PFKFB1: variants seen among roughly 807,000 people sequenced by gnomAD.
The protein encoded by PFKFB1 is 6-phosphofructo-2-kinase/fructose-2,6-bisphosphatase 1.
A neutral mutation model predicts 46.4 loss-of-function variants in PFKFB1; 34 were observed. The ratio of observed to expected loss-of-function variants is 0.73; its 90% confidence interval spans 0.56 to 0.98. The LOEUF (loss-of-function observed/expected upper bound fraction) is 0.98. Ranked by LOEUF, PFKFB1 falls within the 50% of genes least tolerant of loss-of-function variation. The pLI is 0.00. For synonymous variants in PFKFB1, 119 were observed against 133.8 expected, an observed-to-expected ratio of 0.89 and a Z score of 0.76; for missense variants, 393 against 376.3, an observed-to-expected ratio of 1.04 and a Z score of -0.37.
intron 1 of PFKFB1, among the ~76,000 whole-genome samples, chrX:54,986,632 C>G (rs1011270486): frequency 1.4e-4 from 16 of 111,825 alleles, no homozygotes; most frequent in African/African-American, 4.9e-4. Context: ...GATAGAACAA[C>G]TACATAGAAG....
chrX:54,993,165 C>T (rs1365093012), intron 1 of PFKFB1, among the ~76,000 whole-genome samples: 1 of 112,024 alleles, frequency 8.9e-6, no homozygotes, highest in Non-Finnish European at 1.9e-5. Flanking sequence ...CCACTGTCGC[C>T]TGTTATCTAT....
intron 12 of PFKFB1, 26 bp downstream of exon 12, chrX:54,934,921 C>A: frequency 8.6e-7 from 1 of 1,157,655 alleles, no homozygotes; most frequent in South Asian, 1.8e-5. Context: ...ATATGCCTGT[C>A]CTTTGATCAG....
At position 54,963,318 on chromosome X, in the gene PFKFB1, G is replaced by T. The variant is rs1176754311; in HGVS notation, c.162C>A (p.Gly54=). The T allele has an allele frequency of 8.3e-7, 1 of 1,205,481 alleles. No homozygotes were observed. The highest frequency in any genetic ancestry group is 1.8e-5 in the African/African-American group (1 of 57,025). The part of the protein sequence containing the change: ...MVIMVGLPAR[G]KTYISTKLTR... The stretch of plus-strand genomic sequence containing the variant: ...TGAGCTTTGTGGAGATATAGGTCTT[G>T]CCTCGAGCTGGTAAACCCACCATGA... The change falls in exon 2 of 14, where the codon GGC becomes GGA. Residue 54 remains glycine, a synonymous_variant. Coordinates refer to ENST00000375006, the MANE Select transcript of PFKFB1 (RefSeq NM_002625.4).
At chrX:54,961,038 TAAAACTTC>T (rs1934298998) in intron 2 of PFKFB1, 121 bp from the exon 3 acceptor site, 1 of 387,060 alleles carries the variant, frequency 2.6e-6, no homozygotes, top group Non-Finnish European at 4.7e-6. Flanking sequence ...AATGTGCTTT[TAAAACTTC>T]AAATTATGGC....
intron 1 of PFKFB1, among the ~76,000 whole-genome samples, chrX:54,972,799 C>G (rs1207113822): frequency 4.5e-5 from 5 of 111,269 alleles, no homozygotes; most frequent in Non-Finnish European, 9.4e-5. Flanking sequence ...CTAAAATTCT[C>G]TTTTTTGGTT....
At chrX:54,993,240 C>T (rs1935290467) in intron 1 of PFKFB1, among the ~76,000 whole-genome samples, 1 of 112,525 alleles carries the variant, frequency 8.9e-6, no homozygotes, top group Admixed American at 9.4e-5. Flanking sequence ...CTTGATCTTT[C>T]TTAAATTTCC....
chrX:54,959,738 T>A (rs1391873109), intron 4 of PFKFB1, 89 bp downstream of exon 4: 3 of 559,795 alleles, frequency 5.4e-6, no homozygotes, highest in Non-Finnish European at 9.2e-6. Flanking sequence ...CAGAACATAA[T>A]GTTCTGTACA....
intron 12 of PFKFB1, among the ~76,000 whole-genome samples, chrX:54,934,719 T>C (rs1361671628): frequency 8.9e-6 from 1 of 111,918 alleles, no homozygotes; most frequent in Non-Finnish European, 1.9e-5. Context: ...TGCTGGGTGC[T>C]CTGGCAAAGA....
chrX:54,969,890 C>A (rs934610417), intron 1 of PFKFB1, among the ~76,000 whole-genome samples: 4 of 111,453 alleles, frequency 3.6e-5, no homozygotes, highest in Non-Finnish European at 5.7e-5. Context: ...GTAGAAAATC[C>A]CAGGAAATCT....
chrX:54,992,880 T>A (rs1488782280), intron 1 of PFKFB1, among the ~76,000 whole-genome samples: 1 of 111,533 alleles, frequency 9.0e-6, no homozygotes, highest in Non-Finnish European at 1.9e-5. Context: ...AGAGAGAGAA[T>A]AGGAGCCTAG....
At chrX:54,957,841 A>G (rs891287763) in intron 6 of PFKFB1, among the ~76,000 whole-genome samples, 3 of 111,567 alleles carry the variant, frequency 2.7e-5, no homozygotes, top group Non-Finnish European at 5.7e-5. Context: ...ACCTAGTTCT[A>G]GACCACATGT....
rs761831250 is a variant in PFKFB1, at chrX:54,945,427, C to G, written c.1098+12G>C. The G allele has an allele frequency of 2.5e-5, 28 of 1,110,922 alleles. No homozygotes were observed. Among genetic ancestry groups the G allele is most frequent in the Non-Finnish European group, 3.2e-5 (26 of 809,943 alleles). The allele number at this position is 1,110,922 out of a possible 1,213,427, so 91.6% of individuals were successfully genotyped here. A position where few individuals can be genotyped will look rare whatever the true frequency, so the allele number is the denominator to read the frequency against. ...AGTAGTCCTAGGCATTAGGCCACCC[C>G]GCAAACCTTACCTCTCCCTTGGGAT... On this transcript the variant is annotated intron_variant, in intron 10 of 13. Coordinates refer to ENST00000375006, the MANE Select transcript of PFKFB1 (RefSeq NM_002625.4).
chrX:54,981,051 T>C (rs1934972386), intron 1 of PFKFB1, among the ~76,000 whole-genome samples: 1 of 110,903 alleles, frequency 9.0e-6, no homozygotes, highest in Non-Finnish European at 1.9e-5. Flanking sequence ...AGATAATTAA[T>C]GAACTGGAAA....
rs774186850 is a variant in PFKFB1, at chrX:54,933,244, G to A, written c.*159C>T. The A allele has an allele frequency of 1.8e-4, 84 of 464,748 alleles. No individual in the cohort carries two copies. Among genetic ancestry groups the A allele is most frequent in the Non-Finnish European group, 2.6e-4 (69 of 264,113 alleles). 38.3% of individuals were successfully genotyped at this position (464,748 alleles called of 1,213,427 possible). A position where few individuals can be genotyped will look rare whatever the true frequency, so the allele number is the denominator to read the frequency against. On this transcript the variant is annotated 3_prime_UTR_variant, in exon 14 of 14. Coordinates refer to ENST00000375006, the MANE Select transcript of PFKFB1 (RefSeq NM_002625.4). ...CAGAGCTAGATAGCTCCTTGGTTGC[G>A]GCCAGCAAGCGAGGCTTGTTTGGGA...
chrX:54,953,687 T>C (rs1262689401), intron 7 of PFKFB1, among the ~76,000 whole-genome samples: 1 of 111,739 alleles, frequency 8.9e-6, no homozygotes, highest in Non-Finnish European at 1.9e-5. Flanking sequence ...CACTAGGTCC[T>C]TTGAGGCTCT....
At chrX:54,946,053 T>G (rs994407478) in intron 9 of PFKFB1, among the ~76,000 whole-genome samples, 4 of 110,150 alleles carry the variant, frequency 3.6e-5, no homozygotes, top group Non-Finnish European at 7.6e-5. Flanking sequence ...TCTAAGCATC[T>G]GAGAATGTGT....
At chrX:54,960,483 TGCTAA>T (rs1250884754) in intron 3 of PFKFB1, among the ~76,000 whole-genome samples, 2 of 112,284 alleles carry the variant, frequency 1.8e-5, no homozygotes, top group African/African-American at 3.2e-5. Flanking sequence ...ATGCCTCAAA[TGCTAA>T]GCTGAGAAGT....
chrX:54,937,152 G>C (rs1248263079), intron 11 of PFKFB1, among the ~76,000 whole-genome samples: 2 of 111,618 alleles, frequency 1.8e-5, no homozygotes, highest in South Asian at 7.5e-4. Context: ...ACAGAAACTT[G>C]TAATCAGGAT....
At chrX:54,979,936 G>A (rs1436606077) in intron 1 of PFKFB1, among the ~76,000 whole-genome samples, 1 of 111,634 alleles carries the variant, frequency 9.0e-6, no homozygotes, top group Non-Finnish European at 1.9e-5. Context: ...AGCTTCCCTA[G>A]GGAGAGACCC....
Sources: allele counts gnomAD v4.1 joint callset (sites outside exome capture counted in the v4.1 genomes callset), GRCh38; gene constraint gnomAD v4.1.1; transcripts MANE v1.5; gene names NCBI Gene and HGNC (gene_info 2026-07-23, HGNC 2026-07-21).